The following TLCD3B variants were observed in gnomAD, a reference collection of about 807,000 sequenced individuals.
The protein encoded by TLCD3B is ceramide synthase.
TLCD3B carries 9 observed loss-of-function variants against 23.0 expected under a neutral mutation model. That is an observed-to-expected ratio of 0.39 (90% CI 0.24 to 0.68). TLCD3B has a LOEUF of 0.68. TLCD3B is among the 30% of genes least tolerant of loss of function. The pLI, the probability that TLCD3B is intolerant of heterozygous loss-of-function variation, is 0.44. For synonymous variants in TLCD3B, 161 were observed against 161.0 expected (o/e 1.00, Z 0.00); for missense variants, 307 against 371.8 (o/e 0.83, Z 1.43).
Position 30,029,302 on chromosome 16 carries a change from A to T in TLCD3B, c.209+130T>A. On this transcript the variant is annotated intron_variant, in intron 2 of 4. Coordinates refer to ENST00000380495, the MANE Select transcript of TLCD3B (RefSeq NM_031478.6). The surrounding 1 kb of genome is among the most constrained non-coding windows in gnomAD (Gnocchi z 4.6). ...TGTTGAGTTGCGGTTATTGCAGTTA[A>T]CTTGCTCAGGCCCAAGTTAAGGGCT... 1.3e-6 allele frequency: 1 copy of T among 755,872 alleles called. No homozygotes were observed. Among genetic ancestry groups the T allele is most frequent in the Non-Finnish European group, 2.3e-6 (1 of 439,864 alleles). The allele number at this position is 755,872 out of a possible 1,614,324, so 46.8% of individuals were successfully genotyped here.
chr16:30,044,672 T>C (rs959125784), intron 2 of TLCD3B, among the ~76,000 whole-genome samples: 1 of 152,204 alleles, frequency 6.6e-6, no homozygotes, highest in Non-Finnish European at 1.5e-5. Context: ...CCACCTGTGA[T>C]AAACAGAAGG....
chr16:30,025,111 C>A lies in TLCD3B; in HGVS notation c.*72G>T. 2 of 1,101,440 alleles carry A rather than the reference C, an allele frequency of 1.8e-6. No homozygotes were observed. The highest frequency in any genetic ancestry group is 3.4e-5 in the South Asian group (2 of 58,522). 68.2% of individuals were successfully genotyped at this position (1,101,440 alleles called of 1,614,324 possible). On this transcript the variant is annotated 3_prime_UTR_variant, in exon 5 of 5. Transcript: ENST00000380495. This position sits in a 1 kb window ranked among gnomAD's most constrained non-coding sequence, Gnocchi z 4.1. ...GGCAAGAGGACCCTGGCTCCCAACC[C>A]CAGCCATCAGCCCCAGAGCCCTGTC...
upstream of TLCD3B, chr16:30,035,508 G>A (rs1159355275): frequency 1.7e-5 from 22 of 1,289,110 alleles, no homozygotes; most frequent in Middle Eastern, 2.1e-4. Context: ...AGAAAAAGAC[G>A]GCCATGAGAA....
rs2071304302 is a variant in TLCD3B, at chr16:30,029,990, A to C, written c.125+413T>G. 2 of 1,301,640 alleles carry C rather than the reference A, an allele frequency of 1.5e-6. No homozygotes were observed. Among genetic ancestry groups the C allele is most frequent in the Non-Finnish European group, 2.0e-6 (2 of 983,200 alleles). The allele number at this position is 1,301,640 out of a possible 1,614,324, so 80.6% of individuals were successfully genotyped here. A position where few individuals can be genotyped will look rare whatever the true frequency, so the allele number is the denominator to read the frequency against. Reference sequence around the variant, plus strand: ...TGACTGCCACCAGCCTCCACTCTGCACTCTGGCCCTGTTCTAGGGGTGTAG... The same window carrying C: ...TGACTGCCACCAGCCTCCACTCTGCCCTCTGGCCCTGTTCTAGGGGTGTAG... On this transcript the variant is annotated intron_variant, in intron 1 of 4. Transcript: ENST00000380495. The surrounding 1 kb of genome is among the most constrained non-coding windows in gnomAD (Gnocchi z 4.6).
intron 1 of TLCD3B, among the ~76,000 whole-genome samples, chr16:30,052,325 A>G (rs4788219): frequency 0.47 from 70,891 of 151,634 alleles, 16,809 homozygotes; most frequent in African/African-American, 0.52. Flanking sequence ...CCAAGATCAC[A>G]CCATTGCACT....
chr16:30,051,886 G>A (rs1231923107), intron 1 of TLCD3B, among the ~76,000 whole-genome samples: 1 of 152,164 alleles, frequency 6.6e-6, no homozygotes, highest in Non-Finnish European at 1.5e-5. Flanking sequence ...CAGGCAGAGG[G>A]ATCAGCAACT....
At chr16:30,048,786 T>C (rs1471840581) in intron 1 of TLCD3B, among the ~76,000 whole-genome samples, 3 of 151,962 alleles carry the variant, frequency 2.0e-5, no homozygotes, top group South Asian at 2.1e-4. Flanking sequence ...TTTTTTCTTT[T>C]TGGGGGCGGA....
chr16:30,043,525 T>A (rs895905986), intron 2 of TLCD3B, among the ~76,000 whole-genome samples: 1 of 151,736 alleles, frequency 6.6e-6, no homozygotes, highest in Non-Finnish European at 1.5e-5. Context: ...ACGTGTCAGG[T>A]GAGACATACT....
chr16:30,042,665 A>C (rs1247678522), intron 2 of TLCD3B, among the ~76,000 whole-genome samples: 2 of 152,188 alleles, frequency 1.3e-5, no homozygotes, highest in African/African-American at 2.4e-5. Flanking sequence ...GGAATCCAGA[A>C]ACTTACCAAT....
chr16:30,034,405 T>C (rs2071425426), upstream of TLCD3B, among the ~76,000 whole-genome samples: 1 of 99,390 alleles, frequency 1.0e-5, no homozygotes, highest in Non-Finnish European at 1.8e-5. Context: ...AGACCCTGTC[T>C]CTACCAAAAA....
intron 3 of TLCD3B, among the ~76,000 whole-genome samples, chr16:30,039,962 C>T (rs1484516106): frequency 6.6e-6 from 1 of 151,562 alleles, no homozygotes; most frequent in Non-Finnish European, 1.5e-5. Flanking sequence ...GGCGAAACCC[C>T]ATCCCTACTG....
chr16:30,025,668 T>C lies in TLCD3B; in HGVS notation c.540+58A>G, dbSNP rs369324241. ...GAGCCCTTGGCAGCAACCTTGAAGG[T>C]CCCTCCCCTTCCTGTGACCTCCCCA... On this transcript the variant is annotated intron_variant, in intron 4 of 4. Transcript: ENST00000380495. The surrounding 1 kb of genome is among the most constrained non-coding windows in gnomAD (Gnocchi z 4.1). 14 of 1,561,606 alleles carry C rather than the reference T, an allele frequency of 9.0e-6. No individual in the cohort carries two copies. The African/African-American group carries it at 1.6e-4, about 18-fold the overall frequency.
At chr16:30,035,507 C>T (rs543150178), upstream of TLCD3B, 108 of 1,289,260 alleles carry the variant, frequency 8.4e-5, no homozygotes, top group African/African-American at 1.2e-3. Flanking sequence ...CAGAAAAAGA[C>T]GGCCATGAGA....
At chr16:30,045,705 GTGT>G (rs1181778765) in intron 2 of TLCD3B, among the ~76,000 whole-genome samples, 1 of 144,910 alleles carries the variant, frequency 6.9e-6, no homozygotes. Context: ...GTGTGTGTGT[GTGT>G]TGTGTGTGTT....
chr16:30,032,651 T>G (rs1340903236), upstream of TLCD3B: 2 of 148,140 alleles, frequency 1.4e-5, no homozygotes, highest in African/African-American at 2.5e-5. Context: ...GGTTTTTTTT[T>G]TTTTTTTTTT....
At chr16:30,027,226 G>C (rs548009865) in intron 2 of TLCD3B, 3 of 458,722 alleles carry the variant, frequency 6.5e-6, no homozygotes, top group Non-Finnish European at 1.3e-5. Context: ...GTTAGGACCA[G>C]CAACAGCTGA....
At chr16:30,046,065 G>A (rs2071669570) in intron 2 of TLCD3B, among the ~76,000 whole-genome samples, 1 of 152,008 alleles carries the variant, frequency 6.6e-6, no homozygotes, top group African/African-American at 2.4e-5. Context: ...AGCCATGATC[G>A]CGCCACTGCA....
At chr16:30,051,137 T>C (rs113667276) in intron 1 of TLCD3B, among the ~76,000 whole-genome samples, 1 of 152,222 alleles carries the variant, frequency 6.6e-6, no homozygotes, top group African/African-American at 2.4e-5. Flanking sequence ...GGCTCTGGCC[T>C]GTAATACCAG....
rs1383620652 is a variant in TLCD3B at position 30,030,643 on chromosome 16, T to C, written c.-116A>G. 7 of 1,151,908 alleles carry C rather than the reference T, an allele frequency of 6.1e-6. No individual in the cohort carries two copies. Among genetic ancestry groups the C allele is most frequent in the Non-Finnish European group, 6.4e-6 (6 of 937,644 alleles). The allele number at this position is 1,151,908 out of a possible 1,614,324, so 71.4% of individuals were successfully genotyped here. On this transcript the variant is annotated 5_prime_UTR_variant, in exon 1 of 5. Transcript: ENST00000380495. ...AGCCCGGGAAGGAGGGAGAAAACGATGAGAAGGGGCACAAAGGGGCCAGGG... is the reference window on the plus strand; with the variant it reads ...AGCCCGGGAAGGAGGGAGAAAACGACGAGAAGGGGCACAAAGGGGCCAGGG...
Sources: gnomAD v4.1 joint callset for allele counts (sites outside exome capture counted in the v4.1 genomes callset) on GRCh38, gnomAD v4.1.1 for gene constraint, Gnocchi (gnomAD v3.1) non-coding constraint, MANE v1.5 for transcripts, NCBI Gene and HGNC (gene_info 2026-07-23, HGNC 2026-07-21) for gene names.